The following MYO16 variants were observed in gnomAD, a reference collection of about 807,000 sequenced individuals.
MYO16 encodes the protein myosin XVI.
In MYO16, 94 loss-of-function variants were observed where a neutral mutation model predicts 205.3. The ratio of observed to expected loss-of-function variants is 0.46; its 90% CI spans 0.39 to 0.54. MYO16 has a LOEUF of 0.54. Ranked by LOEUF, MYO16 falls within the 20% of genes least tolerant of loss-of-function variation. The pLI is 0.00. For missense variants in MYO16, 2,315 were observed against 2,387.5 expected, an observed-to-expected ratio of 0.97 and a Z score of 0.63; for synonymous variants, 988 against 954.0, an observed-to-expected ratio of 1.04 and a Z score of -0.66.
chr13:108,787,340 A>G (rs146168185), intron 5 of MYO16, among the ~76,000 whole-genome samples: 1 of 152,216 alleles, frequency 6.6e-6, no homozygotes, highest in Non-Finnish European at 1.5e-5. Flanking sequence ...AAAACCAGTG[A>G]TGTCAAATTT....
At chr13:108,956,790 C>T (rs1215554086) in intron 16 of MYO16, among the ~76,000 whole-genome samples, 1 of 152,150 alleles carries the variant, frequency 6.6e-6, no homozygotes, top group African/African-American at 2.4e-5. Context: ...CCCCTTCCTG[C>T]ACACTTATAC....
the MYO16 span, among the ~76,000 whole-genome samples, chr13:108,503,444 A>T: frequency 1.5e-5 from 2 of 137,698 alleles, no homozygotes; most frequent in African/African-American, 5.8e-5. Flanking sequence ...AGCTCAAAAA[A>T]GTTTTTTTTT....
At chr13:108,720,580 GT>G (rs1884125137) in intron 3 of MYO16, among the ~76,000 whole-genome samples, 1 of 152,092 alleles carries the variant, frequency 6.6e-6, no homozygotes, top group Non-Finnish European at 1.5e-5. Context: ...GAGTTTTGTT[GT>G]TGTTGTTGTT....
At chr13:109,163,834 T>G (rs762105623) in intron 32 of MYO16, 3 of 152,168 alleles carry the variant, frequency 2.0e-5, no homozygotes, top group Non-Finnish European at 4.4e-5. Context: ...GAGGTACCGG[T>G]GATTGGGATT....
At position 108,792,607 on chromosome 13, in the gene MYO16, G is replaced by C. The variant is rs1423421404; in HGVS notation, c.617-909G>C. On this transcript the variant is annotated intron_variant, in intron 5 of 34. Coordinates refer to ENST00000457511, the MANE Select transcript of MYO16 (RefSeq NM_001198950.3). ...GCTCACTGCAACCTCTGCCTCCTGG[G>C]TTCAAGCAATTCTTCTGCCTCAGCC... Among the ~76,000 whole-genome samples the C allele has an allele frequency of 2.0e-5, 3 of 151,032 alleles. No homozygotes were observed. The East Asian group carries it at 5.9e-4, about 30-fold the overall frequency.
intron 2 of MYO16, among the ~76,000 whole-genome samples, chr13:108,708,936 C>A (rs1883618368): frequency 6.6e-6 from 1 of 152,058 alleles, no homozygotes; most frequent in African/African-American, 2.4e-5. Context: ...CCATTTTTTA[C>A]CCTAATAGCT....
intron 1 of MYO16, among the ~76,000 whole-genome samples, chr13:108,661,898 T>C (rs1881518559): frequency 6.6e-6 from 1 of 152,200 alleles, no homozygotes; most frequent in Non-Finnish European, 1.5e-5. Context: ...TTCTGGTTCC[T>C]TCTCATTTGG....
At chr13:108,867,630 A>G (rs1227336393) in intron 12 of MYO16, among the ~76,000 whole-genome samples, 2 of 152,218 alleles carry the variant, frequency 1.3e-5, no homozygotes, top group African/African-American at 4.8e-5. Flanking sequence ...TGTATCTTTC[A>G]CTTTGTGAGT....
chr13:108,888,454 A>G lies in MYO16; in HGVS notation c.1636A>G (p.Thr546Ala), dbSNP rs1383588129. Residue 546 changes from threonine (T) to alanine (A), a missense_variant, in exon 14 of 35, where the codon ACA becomes GCA. This residue lies in a region of MYO16 where 1,213 missense variants were observed against 1,274.4 expected (regional missense o/e 0.95). Transcript: ENST00000457511. Reference sequence around the variant, plus strand: ...CTGCAGGGCTGGCGCCAGCAGGGCCACACTGGATTCCAGATTCAAACATGT... The same window carrying G: ...CTGCAGGGCTGGCGCCAGCAGGGCCGCACTGGATTCCAGATTCAAACATGT... ...LTCRAGASRA[T>A]LDSRFKHVVC... 1.2e-6 allele frequency: 2 copies of G among 1,605,544 alleles called. No homozygotes were observed. Among genetic ancestry groups the G allele is most frequent in the Non-Finnish European group, 1.7e-6 (2 of 1,177,404 alleles).
In MYO16 at chr13:108,759,774, C is replaced by G. The variant is rs111950755; in HGVS notation, c.508-25861C>G. 1.0e-3 allele frequency among the ~76,000 whole-genome samples: 156 copies of G among 149,722 alleles called. 1 individual carries two copies. The Middle Eastern group carries it at 0.042, about 40-fold the overall frequency. ...AGGCGGAGTTGCAGTGAGCCGAGAT[C>G]GCGCCACTGCACTCCAGCCTGGGCG... On this transcript the variant is annotated intron_variant, in intron 4 of 34. Transcript: ENST00000457511.
chr13:108,510,461 G>GTTTTTTT, the MYO16 span, among the ~76,000 whole-genome samples: 35 of 45,884 alleles, frequency 7.6e-4, no homozygotes, highest in South Asian at 1.0e-3. Context: ...ATTGATAGCT[G>GTTTTTTT]TTTTTTTTTT....
chr13:109,039,737 T>C (rs973721355), intron 23 of MYO16, among the ~76,000 whole-genome samples: 1 of 152,086 alleles, frequency 6.6e-6, no homozygotes, highest in African/African-American at 2.4e-5. Context: ...AATGCGTACG[T>C]TAGAAAATAG....
chr13:108,714,750 A>G (rs1883875885), intron 3 of MYO16, among the ~76,000 whole-genome samples: 1 of 152,166 alleles, frequency 6.6e-6, no homozygotes, highest in Admixed American at 6.5e-5. Flanking sequence ...CCTAACAAAT[A>G]TTTTTCTATA....
At chr13:108,676,698 C>T (rs1470567297) in intron 2 of MYO16, among the ~76,000 whole-genome samples, 3 of 152,132 alleles carry the variant, frequency 2.0e-5, no homozygotes, top group African/African-American at 7.2e-5. Context: ...GACACTGCTG[C>T]AAGTTACGGG....
intron 4 of MYO16, among the ~76,000 whole-genome samples, chr13:108,751,297 C>G (rs1885230462): frequency 6.6e-6 from 1 of 152,020 alleles, no homozygotes; most frequent in Non-Finnish European, 1.5e-5. Flanking sequence ...GTGCTTGAAA[C>G]TTGGGAGGTG....
At chr13:108,828,193 C>T (rs961019639) in intron 9 of MYO16, among the ~76,000 whole-genome samples, 1 of 152,128 alleles carries the variant, frequency 6.6e-6, no homozygotes, top group Non-Finnish European at 1.5e-5. Context: ...ATGACTCATG[C>T]CAGGCGTGTG....
At chr13:108,724,065 A>G (rs1884254671) in intron 3 of MYO16, among the ~76,000 whole-genome samples, 3 of 152,170 alleles carry the variant, frequency 2.0e-5, no homozygotes, top group African/African-American at 7.2e-5. Context: ...TAAGTATTTC[A>G]ATATTCTTAA....
At chr13:108,829,480 T>C (rs1876478550) in intron 9 of MYO16, among the ~76,000 whole-genome samples, 1 of 152,166 alleles carries the variant, frequency 6.6e-6, no homozygotes, top group African/African-American at 2.4e-5. Flanking sequence ...AATCTTATTT[T>C]CTAAGCAGCT....
chr13:108,663,389 C>A lies in MYO16; in HGVS notation c.29-2497C>A, dbSNP rs564125297. Among the ~76,000 whole-genome samples the A allele has an allele frequency of 2.0e-5, 3 of 151,996 alleles. No homozygotes were observed. The South Asian group carries it at 6.3e-4, about 32-fold the overall frequency. On this transcript the variant is annotated intron_variant, in intron 1 of 34. Coordinates refer to ENST00000457511, the MANE Select transcript of MYO16 (RefSeq NM_001198950.3). ...ACATATACGTACATGACACAGCTGA[C>A]CCACTTGGACTTAGATTAAAAGAAA...
Sources: allele counts gnomAD v4.1 joint callset (sites outside exome capture counted in the v4.1 genomes callset), GRCh38; gene constraint gnomAD v4.1.1; regional missense constraint gnomAD v4.1.1; transcripts MANE v1.5; gene names NCBI Gene and HGNC (gene_info 2026-07-23, HGNC 2026-07-21).